The following SUCLG2 variants were observed in gnomAD, a reference collection of about 807,000 sequenced individuals.
SUCLG2 encodes succinate--CoA ligase [GDP-forming] subunit beta, mitochondrial.
In SUCLG2, 42 loss-of-function variants were observed where a neutral mutation model predicts 47.9. The observed-to-expected ratio is 0.88, with a 90% CI of 0.69 to 1.14. The LOEUF (loss-of-function observed/expected upper bound fraction) is 1.14. SUCLG2 is among the 50% of genes most tolerant of loss of function. SUCLG2 has a pLI of 0.00. For missense variants in SUCLG2, 571 were observed against 525.9 expected (o/e 1.09, Z -0.84); for synonymous variants, 195 against 197.3 (o/e 0.99, Z 0.10).
intron 10 of SUCLG2, among the ~76,000 whole-genome samples, chr3:67,368,825 C>T (rs1208231289): frequency 9.2e-5 from 14 of 152,092 alleles, no homozygotes; most frequent in Admixed American, 1.3e-4. Flanking sequence ...CAGCTGGTCT[C>T]GAATTCCTAA....
At chr3:67,565,292 T>C (rs1009123795) in intron 2 of SUCLG2, among the ~76,000 whole-genome samples, 2 of 152,218 alleles carry the variant, frequency 1.3e-5, no homozygotes, top group Admixed American at 1.3e-4. Flanking sequence ...CTGATTTATA[T>C]AGAGTTAGTA....
chr3:67,479,176 C>A (rs993556663), intron 9 of SUCLG2, among the ~76,000 whole-genome samples: 3 of 152,020 alleles, frequency 2.0e-5, no homozygotes, highest in African/African-American at 7.2e-5. Flanking sequence ...AATCTCAATT[C>A]CCAAATGGTA....
intron 9 of SUCLG2, among the ~76,000 whole-genome samples, chr3:67,409,291 C>T (rs181564615): frequency 1.9e-4 from 29 of 152,244 alleles, no homozygotes; most frequent in African/African-American, 6.7e-4. Context: ...AGACTGATAG[C>T]TCCTCCTCTC....
chr3:67,500,787 G>T (rs1705475680), intron 7 of SUCLG2, among the ~76,000 whole-genome samples: 1 of 152,296 alleles, frequency 6.6e-6, no homozygotes, highest in South Asian at 2.1e-4. Flanking sequence ...TTATCAAATT[G>T]ACTTCCTAAG....
chr3:67,638,091 G>A (rs1701038767), intron 1 of SUCLG2, among the ~76,000 whole-genome samples: 2 of 152,322 alleles, frequency 1.3e-5, no homozygotes, highest in South Asian at 2.1e-4. Flanking sequence ...TTAAAGAAGA[G>A]TGTAAGCTTC....
At chr3:67,609,251 C>A (rs1438216417) in intron 2 of SUCLG2, among the ~76,000 whole-genome samples, 1 of 113,014 alleles carries the variant, frequency 8.8e-6, no homozygotes, top group South Asian at 2.4e-4. Context: ...TCCCTTCACG[C>A]TGCAGTCACC....
chr3:67,624,437 T>C (rs981228063), intron 1 of SUCLG2, among the ~76,000 whole-genome samples: 4 of 152,242 alleles, frequency 2.6e-5, no homozygotes, highest in African/African-American at 9.6e-5. Context: ...GAAAACTTGA[T>C]CTTAGATGCT....
chr3:67,419,426 A>C (rs1223529752), intron 9 of SUCLG2, among the ~76,000 whole-genome samples: 1 of 151,760 alleles, frequency 6.6e-6, no homozygotes, highest in Non-Finnish European at 1.5e-5. Context: ...TAATTGTCTG[A>C]CTCTGGCTCT....
chr3:67,552,383 G>A (rs1707040976), intron 2 of SUCLG2, among the ~76,000 whole-genome samples: 1 of 152,006 alleles, frequency 6.6e-6, no homozygotes, highest in Admixed American at 6.6e-5. Context: ...AATAAAACAA[G>A]GCCCACTCTA....
intron 10 of SUCLG2, among the ~76,000 whole-genome samples, chr3:67,387,929 A>G (rs1025777396): frequency 2.6e-5 from 4 of 151,874 alleles, no homozygotes; most frequent in Non-Finnish European, 5.9e-5. Context: ...ATCAAGAGAG[A>G]TGTAAAAAAA....
At chr3:67,473,280 G>A (rs984828395) in intron 9 of SUCLG2, among the ~76,000 whole-genome samples, 5 of 152,034 alleles carry the variant, frequency 3.3e-5, no homozygotes, top group Admixed American at 2.0e-4. Context: ...CCCGGACTAA[G>A]GTGTTTCTCC....
At chr3:67,536,422 G>A (rs956140326) in intron 2 of SUCLG2, among the ~76,000 whole-genome samples, 4 of 151,992 alleles carry the variant, frequency 2.6e-5, no homozygotes, top group African/African-American at 4.8e-5. Context: ...GGTGATAGGC[G>A]CCCTCACAGG....
chr3:67,609,628 T>C lies in SUCLG2; in HGVS notation c.85-32A>G, dbSNP rs370663312. Reference sequence around the variant, plus strand: ...AAATTGAAGGAGAGAGGTAAGAACATTCATTAATAGCAAGAAAAATAAAAG... The same window carrying C: ...AAATTGAAGGAGAGAGGTAAGAACACTCATTAATAGCAAGAAAAATAAAAG... On this transcript the variant is annotated intron_variant, in intron 1 of 10. Coordinates refer to ENST00000307227, the MANE Select transcript of SUCLG2 (RefSeq NM_003848.4). 2.5e-6 allele frequency: 4 copies of C among 1,599,486 alleles called. No individual in the cohort carries two copies. The African/African-American group carries it at 4.0e-5, about 16-fold the overall frequency.
chr3:67,515,380 T>C (rs1432317147), intron 6 of SUCLG2, among the ~76,000 whole-genome samples: 2 of 152,206 alleles, frequency 1.3e-5, no homozygotes, highest in Admixed American at 1.3e-4. Context: ...TCCTATGTCT[T>C]AACGTTTTTC....
chr3:67,412,983 T>A (rs1559516987), intron 9 of SUCLG2, among the ~76,000 whole-genome samples: 1 of 152,094 alleles, frequency 6.6e-6, no homozygotes, highest in Non-Finnish European at 1.5e-5. Flanking sequence ...ATAACCACGG[T>A]CATGGGTTAC....
intron 9 of SUCLG2, among the ~76,000 whole-genome samples, chr3:67,479,623 G>A (rs536538962): frequency 1.3e-5 from 2 of 152,262 alleles, no homozygotes; most frequent in Non-Finnish European, 2.9e-5. Context: ...ATCAAGAGGC[G>A]GAAAGAAAGC....
chr3:67,411,573 T>G (rs551638754), intron 9 of SUCLG2, among the ~76,000 whole-genome samples: 1 of 152,292 alleles, frequency 6.6e-6, no homozygotes, highest in Non-Finnish European at 1.5e-5. Context: ...CTAAAATTTA[T>G]ATTAAAATTA....
At chr3:67,416,772 C>T (rs1399455044) in intron 9 of SUCLG2, among the ~76,000 whole-genome samples, 1 of 152,112 alleles carries the variant, frequency 6.6e-6, no homozygotes, top group Admixed American at 6.6e-5. Flanking sequence ...ATAATAAAAT[C>T]TACTTTAAAC....
At chr3:67,373,537 T>A (rs1318608661), downstream of SUCLG2, among the ~76,000 whole-genome samples, 1 of 152,152 alleles carries the variant, frequency 6.6e-6, no homozygotes, top group Non-Finnish European at 1.5e-5. Context: ...TGTAAACTTG[T>A]CTGAGTTTTT....
Sources: allele counts gnomAD v4.1 joint callset (sites outside exome capture counted in the v4.1 genomes callset), GRCh38; gene constraint gnomAD v4.1.1; transcripts MANE v1.5; gene names NCBI Gene and HGNC (gene_info 2026-07-23, HGNC 2026-07-21).